The following WIF1 variants were observed in gnomAD, a reference collection of about 807,000 sequenced individuals.
The protein encoded by WIF1 is Wnt inhibitory factor 1.
Under a neutral mutation model 53.5 loss-of-function variants are expected in WIF1, and 35 were observed. That is an observed-to-expected ratio of 0.65 (90% confidence interval 0.50 to 0.87). WIF1 has a LOEUF of 0.87. Among genes scored for constraint, WIF1 ranks in the 40% least tolerant of loss-of-function variants. The pLI, the probability that WIF1 is intolerant of heterozygous loss-of-function variation, is 0.00. For missense variants in WIF1, 467 were observed against 476.8 expected (o/e 0.98, Z 0.19); for synonymous variants, 171 against 170.4 (o/e 1.00, Z -0.03).
chr12:65,081,562 T>C (rs943980534), intron 2 of WIF1, among the ~76,000 whole-genome samples: 1 of 152,194 alleles, frequency 6.6e-6, no homozygotes, highest in African/African-American at 2.4e-5. Flanking sequence ...ATCTAATCAA[T>C]AACACACTTT....
chr12:65,087,983 T>C (rs778726001), intron 2 of WIF1, among the ~76,000 whole-genome samples: 63 of 152,330 alleles, frequency 4.1e-4, no homozygotes, highest in Non-Finnish European at 4.6e-4. Flanking sequence ...TTTGCTCTTT[T>C]AATTTTCTTC....
At chr12:65,081,704 G>A (rs1445853156) in intron 2 of WIF1, among the ~76,000 whole-genome samples, 7 of 152,116 alleles carry the variant, frequency 4.6e-5, no homozygotes, top group South Asian at 2.1e-4. Flanking sequence ...AGAGTAAATC[G>A]TTTTCTTTCT....
chr12:65,071,845 AATT>A (rs1882778578), intron 3 of WIF1, among the ~76,000 whole-genome samples: 1 of 152,178 alleles, frequency 6.6e-6, no homozygotes. Context: ...AATTTCAATG[AATT>A]ATTATTTTTT....
At position 65,056,106 on chromosome 12, in the gene WIF1, G is replaced by C. The variant is rs373828974; in HGVS notation, c.847C>G (p.Arg283Gly). 14 of 1,614,046 alleles carry C rather than the reference G, an allele frequency of 8.7e-6. No homozygotes were observed. In the South Asian group the frequency reaches 9.9e-5, roughly 11 times the overall value. The part of the protein sequence containing the change: ...CEISKCPQPC[R>G]NGGKCIGKSK... ...TTACCAATGCATTTACCTCCATTTC[G>C]ACAGGGTTGTGGGCATTTGCCTGAA... The change falls in exon 8 of 10, where the codon CGA becomes GGA. Residue 283 changes from arginine to glycine, a missense_variant. Arg to Gly is a moderately radical substitution (Grantham distance 125, BLOSUM62 -2). Transcript: ENST00000286574.
chr12:65,114,883 T>C (rs1269846803), intron 2 of WIF1, among the ~76,000 whole-genome samples: 1 of 152,012 alleles, frequency 6.6e-6, no homozygotes, highest in Non-Finnish European at 1.5e-5. Context: ...TTCAGAAAAA[T>C]GAAGGTACCC....
intron 2 of WIF1, among the ~76,000 whole-genome samples, chr12:65,085,580 C>T (rs1303793819): frequency 1.3e-5 from 2 of 152,172 alleles, no homozygotes; most frequent in Non-Finnish European, 2.9e-5. Flanking sequence ...AGGGAAAGCA[C>T]CTTCTCATGC....
chr12:65,116,287 G>T (rs1003565410), intron 2 of WIF1, among the ~76,000 whole-genome samples: 1 of 151,634 alleles, frequency 6.6e-6, no homozygotes, highest in Admixed American at 6.6e-5. Context: ...AGCAGTGGGC[G>T]AGTGTTCCCC....
At chr12:65,086,979 A>G (rs1883048478) in intron 2 of WIF1, among the ~76,000 whole-genome samples, 1 of 151,274 alleles carries the variant, frequency 6.6e-6, no homozygotes, top group Admixed American at 6.6e-5. Flanking sequence ...CATCTCTACT[A>G]AAAATAATAA....
chr12:65,062,502 C>T lies in WIF1; in HGVS notation c.805G>A (p.Glu269Lys). Residue 269 changes from glutamate (E) to lysine (K), a missense_variant, in exon 7 of 10, where the codon GAG (glutamate) becomes AAG (lysine). Glu to Lys is a moderately conservative substitution (Grantham distance 56, BLOSUM62 1). Coordinates refer to ENST00000286574, the MANE Select transcript of WIF1 (RefSeq NM_007191.5). ...TCACTGATTTCACACTGCTCTCCCT[C>T]TAGTCCTGGAGGGCAAATACATTTT... ...PGKCICPPGL[E>K]GEQCEISKCP... The T allele has an allele frequency of 6.2e-7, 1 of 1,607,578 alleles. No individual in the cohort carries two copies. The highest frequency in any genetic ancestry group is 8.5e-7 in the Non-Finnish European group (1 of 1,176,322).
intron 2 of WIF1, among the ~76,000 whole-genome samples, chr12:65,099,360 G>A (rs369588848): frequency 1.3e-5 from 2 of 152,114 alleles, no homozygotes; most frequent in East Asian, 1.9e-4. Flanking sequence ...CCTATTTGCC[G>A]CATGTTCACT....
intron 2 of WIF1, among the ~76,000 whole-genome samples, chr12:65,102,382 C>T (rs1395696562): frequency 6.6e-6 from 1 of 152,084 alleles, no homozygotes; most frequent in African/African-American, 2.4e-5. Context: ...CCCTTAAGAG[C>T]CAGTGTTTCA....
At chr12:65,088,788 T>C (rs1883080241) in intron 2 of WIF1, among the ~76,000 whole-genome samples, 1 of 152,062 alleles carries the variant, frequency 6.6e-6, no homozygotes, top group Non-Finnish European at 1.5e-5. Context: ...CTCTCTATAA[T>C]TGCACCTCAA....
At chr12:65,077,638 T>A (rs1882884065) in intron 3 of WIF1, 108 bp downstream of exon 3, 1 of 802,710 alleles carries the variant, frequency 1.2e-6, no homozygotes, top group Non-Finnish European at 2.0e-6. Flanking sequence ...ACAGATGTCT[T>A]CAGGAAAACA....
At chr12:65,117,681 T>C (rs1234599631) in intron 2 of WIF1, among the ~76,000 whole-genome samples, 2 of 152,224 alleles carry the variant, frequency 1.3e-5, no homozygotes, top group Non-Finnish European at 2.9e-5. Context: ...GCCCTGAGCT[T>C]GTTTTCCTGC....
At chr12:65,065,581 A>C (rs1475276801) in intron 6 of WIF1, among the ~76,000 whole-genome samples, 1 of 152,168 alleles carries the variant, frequency 6.6e-6, no homozygotes. Context: ...TTAAAAAACA[A>C]CAACAACAAC....
At chr12:65,063,253 C>T (rs1162878520) in intron 6 of WIF1, among the ~76,000 whole-genome samples, 1 of 137,862 alleles carries the variant, frequency 7.3e-6, no homozygotes, top group South Asian at 2.2e-4. Context: ...AATCACACTT[C>T]GTGATTCATC....
Position 65,077,806 on chromosome 12 carries a change from T to G in WIF1, c.337A>C (p.Ile113Leu), listed in dbSNP as rs1298855185. ...ACATTGACGGTTGGATCTGCCATGA[T>G]GCCTTTATCCAGGGAGCGCAAGGAC... ...FLSLRSLDKG[I>L]MADPTVNVPL... is the part of the protein sequence containing the mutation. The change falls in exon 3 of 10, where the codon ATC becomes CTC. Residue 113 changes from isoleucine to leucine, a missense_variant. Transcript: ENST00000286574. 4.3e-6 allele frequency: 7 copies of G among 1,613,962 alleles called. No homozygotes were observed. Among genetic ancestry groups the G allele is most frequent in the Non-Finnish European group, 5.9e-6 (7 of 1,179,874 alleles).
intron 3 of WIF1, among the ~76,000 whole-genome samples, chr12:65,074,066 A>G (rs1315539375): frequency 6.6e-6 from 1 of 152,200 alleles, no homozygotes; most frequent in Non-Finnish European, 1.5e-5. Flanking sequence ...AAATTATTAG[A>G]AAATGATGTT....
chr12:65,068,649 A>ATGTGTGTG lies in WIF1; in HGVS notation c.538+107_538+114dup, dbSNP rs10590995. On this transcript the variant is annotated intron_variant, in intron 4 of 9. Transcript: ENST00000286574. ...TTATAGAGCCATCATCCAAAAAACCATGTGTGTGTGTGTGTGTGTGTGTGT... is the reference window on the plus strand; with the variant it reads ...TTATAGAGCCATCATCCAAAAAACCATGTGTGTGTGTGTGTGTGTGTGTGTGTGTGTGT... The ATGTGTGTG allele has an allele frequency of 5.9e-3, 5,890 of 1,004,878 alleles. 119 individuals carry two copies. The African/African-American group carries it at 0.067, about 11-fold the overall frequency. 62.2% of individuals were successfully genotyped at this position (1,004,878 alleles called of 1,614,324 possible).
Sources: gnomAD v4.1 joint callset for allele counts (sites outside exome capture counted in the v4.1 genomes callset) on GRCh38, gnomAD v4.1.1 for gene constraint, MANE v1.5 for transcripts, NCBI Gene and HGNC (gene_info 2026-07-23, HGNC 2026-07-21) for gene names.